PTPRT: variants seen among roughly 807,000 people sequenced by gnomAD.
PTPRT encodes protein tyrosine phosphatase receptor type T.
In PTPRT, 56 loss-of-function variants were observed where a neutral mutation model predicts 176.8. That is an observed-to-expected ratio of 0.32 (90% CI 0.26 to 0.40). The LOEUF is 0.40. PTPRT is among the 10% of genes least tolerant of loss of function. The pLI, the probability that PTPRT is intolerant of heterozygous loss-of-function variation, is 1.00. For synonymous variants in PTPRT, 783 were observed against 739.0 expected (o/e 1.06, Z -0.96); for missense variants, 1,540 against 1,908.2 (o/e 0.81, Z 3.60).
intron 7 of PTPRT, among the ~76,000 whole-genome samples, chr20:42,664,919 C>T (rs926266209): frequency 4.6e-5 from 7 of 152,164 alleles, no homozygotes; most frequent in Non-Finnish European, 8.8e-5. Context: ...ACTGGATCCC[C>T]TCCTTACACG....
chr20:42,115,872 C>G (rs1987250989), intron 21 of PTPRT, among the ~76,000 whole-genome samples: 1 of 152,162 alleles, frequency 6.6e-6, no homozygotes, highest in East Asian at 1.9e-4. Flanking sequence ...AGGAGAAAGG[C>G]TCTTGGTTGG....
intron 9 of PTPRT, among the ~76,000 whole-genome samples, chr20:42,433,127 G>A (rs554828492): frequency 5.3e-5 from 8 of 152,266 alleles, no homozygotes; most frequent in South Asian, 2.1e-4. Context: ...CCCAGCTGCC[G>A]ATGGGGGATA....
At position 42,161,420 on chromosome 20, in the gene PTPRT, C is replaced by A. The variant is rs1989590888; in HGVS notation, c.2614G>T (p.Ala872Ser). The part of the protein sequence containing the change: ...RDQFQPAIRV[A>S]DLLQHITQMK... Reference sequence around the variant, plus strand: ...TGCGTGATGTGCTGCAGCAAGTCAGCCACCCGGATGGCGGGTTGGAACTGG... The same window carrying A: ...TGCGTGATGTGCTGCAGCAAGTCAGACACCCGGATGGCGGGTTGGAACTGG... Residue 872 changes from alanine (A) to serine (S), a missense_variant, in exon 17 of 31, where the codon GCT (alanine) becomes TCT (serine). Physicochemically the swap from Ala to Ser is moderately conservative, Grantham distance 99 (BLOSUM62 1). Around this residue, in one of 11 missense-constraint regions of PTPRT, gnomAD observed 255 missense variants for 250.1 expected, o/e 1.02. Coordinates refer to ENST00000373187, the MANE Select transcript of PTPRT (RefSeq NM_007050.6). 4.3e-6 allele frequency: 7 copies of A among 1,614,178 alleles called. No homozygotes were observed. In the East Asian group the frequency reaches 1.6e-4, roughly 36 times the overall value.
Position 42,827,906 on chromosome 20 carries a change from G to C in PTPRT, c.215-36440C>G, listed in dbSNP as rs193287789. Among the ~76,000 whole-genome samples the C allele has an allele frequency of 2.6e-3, 399 of 152,258 alleles. 3 individuals carry two copies. The highest frequency in any genetic ancestry group is 9.3e-3 in the African/African-American group (388 of 41,532). ...AACGGTGAGTCAACTAAACATCTTT[G>C]CTTTATAAATTACCCAGTCTCTTGT... is the stretch of plus-strand genomic sequence containing the variant. On this transcript the variant is annotated intron_variant, in intron 2 of 30. Transcript: ENST00000373187.
intron 7 of PTPRT, among the ~76,000 whole-genome samples, chr20:42,475,137 C>A (rs890029242): frequency 6.6e-6 from 1 of 152,132 alleles, no homozygotes; most frequent in Admixed American, 6.5e-5. Flanking sequence ...GAACTGTAGC[C>A]ACAAGTGCTG....
At chr20:42,046,908 C>T in the PTPRT span, among the ~76,000 whole-genome samples, 1 of 152,110 alleles carries the variant, frequency 6.6e-6, no homozygotes, top group Non-Finnish European at 1.5e-5. Flanking sequence ...TGTGGTTCCT[C>T]ATGTCTTTGG....
intron 7 of PTPRT, among the ~76,000 whole-genome samples, chr20:42,649,851 C>A (rs2074997229): frequency 6.6e-6 from 1 of 151,882 alleles, no homozygotes; most frequent in Admixed American, 6.5e-5. Flanking sequence ...CAGAGCCAAT[C>A]AGAGCCTTGC....
At chr20:42,736,683 G>A (rs1440519724) in intron 6 of PTPRT, among the ~76,000 whole-genome samples, 4 of 151,482 alleles carry the variant, frequency 2.6e-5, no homozygotes, top group East Asian at 1.9e-4. Flanking sequence ...AACTATGGCT[G>A]GAGAGAGACT....
At chr20:42,874,163 C>T (rs1481241660) in intron 2 of PTPRT, among the ~76,000 whole-genome samples, 4 of 152,126 alleles carry the variant, frequency 2.6e-5, no homozygotes, top group Admixed American at 2.6e-4. Flanking sequence ...GTCTTCCTCT[C>T]CGGCTGCCCT....
At chr20:43,013,757 C>T (rs1360373507) in intron 1 of PTPRT, among the ~76,000 whole-genome samples, 1 of 152,198 alleles carries the variant, frequency 6.6e-6, no homozygotes, top group Admixed American at 6.5e-5. Flanking sequence ...ATACCCTACA[C>T]TGTGCTATCC....
intron 7 of PTPRT, among the ~76,000 whole-genome samples, chr20:42,503,815 C>G (rs536163152): frequency 1.3e-5 from 2 of 152,144 alleles, no homozygotes; most frequent in East Asian, 3.9e-4. Context: ...AGTCTCCCTG[C>G]TTTTCTTAAA....
chr20:42,784,163 A>G (rs1013402227), intron 3 of PTPRT, among the ~76,000 whole-genome samples: 1 of 152,200 alleles, frequency 6.6e-6, no homozygotes, highest in Non-Finnish European at 1.5e-5. Context: ...AAAGCCAGGA[A>G]GCAATTCCCC....
intron 15 of PTPRT, among the ~76,000 whole-genome samples, chr20:42,232,604 C>A (rs541389638): frequency 1.3e-5 from 2 of 151,664 alleles, no homozygotes; most frequent in Admixed American, 6.6e-5. Flanking sequence ...TCTCTCAATC[C>A]TATCATCTCC....
At chr20:42,367,492 C>T (rs2058530712) in intron 9 of PTPRT, among the ~76,000 whole-genome samples, 1 of 152,070 alleles carries the variant, frequency 6.6e-6, no homozygotes, top group Admixed American at 6.6e-5. Context: ...CTAGAGTTTA[C>T]CTTCTAGTTA....
rs1048079530 is a variant in PTPRT at position 43,146,659 on chromosome 20, G to A, written c.88+42987C>T. ...ATGAAAAAGACTGTCTGGGGGTACT[G>A]AGCATGCCACTAGGGAAGCTGACAC... On this transcript the variant is annotated intron_variant, in intron 1 of 30. Transcript: ENST00000373187. Among the ~76,000 whole-genome samples, 6 of 152,230 alleles carry A rather than the reference G, an allele frequency of 3.9e-5. No homozygotes were observed. The East Asian group carries it at 1.2e-3, about 29-fold the overall frequency.
At chr20:42,699,498 T>C (rs1318076313) in intron 6 of PTPRT, among the ~76,000 whole-genome samples, 1 of 152,212 alleles carries the variant, frequency 6.6e-6, no homozygotes. Flanking sequence ...CAGACTTCCT[T>C]CTATCATAGT....
At chr20:42,249,969 A>G (rs1250476170) in intron 13 of PTPRT, among the ~76,000 whole-genome samples, 1 of 152,146 alleles carries the variant, frequency 6.6e-6, no homozygotes, top group Non-Finnish European at 1.5e-5. Context: ...AGTCCAAACC[A>G]TCCTCTTCCT....
chr20:42,144,515 A>G (rs960107567), intron 17 of PTPRT, among the ~76,000 whole-genome samples: 1 of 152,130 alleles, frequency 6.6e-6, no homozygotes, highest in African/African-American at 2.4e-5. Context: ...CAGACAAGTC[A>G]ACAAACATGA....
chr20:42,710,937 A>C (rs1477792107), intron 6 of PTPRT, among the ~76,000 whole-genome samples: 2 of 152,234 alleles, frequency 1.3e-5, no homozygotes, highest in African/African-American at 4.8e-5. Flanking sequence ...CATAGAGTCA[A>C]AGGAGGTTGT....
Sources: gnomAD v4.1 joint callset for allele counts (sites outside exome capture counted in the v4.1 genomes callset) on GRCh38, gnomAD v4.1.1 for gene constraint, gnomAD v4.1.1 regional missense constraint, MANE v1.5 for transcripts, NCBI Gene and HGNC (gene_info 2026-07-23, HGNC 2026-07-21) for gene names.